The following SLC8B1 variants were observed in gnomAD, a reference collection of about 807,000 sequenced individuals.
SLC8B1 encodes mitochondrial sodium/calcium exchanger protein.
In SLC8B1, 52 loss-of-function variants were observed where a neutral mutation model predicts 63.4. The ratio of observed to expected loss-of-function variants is 0.82; its 90% CI spans 0.66 to 1.03. The LOEUF is 1.03. Ranked by LOEUF, SLC8B1 falls within the 50% of genes least tolerant of loss-of-function variation. The pLI is 0.00. For synonymous variants in SLC8B1, 336 were observed against 323.9 expected, an observed-to-expected ratio of 1.04 and a Z score of -0.40; for missense variants, 657 against 741.7, an observed-to-expected ratio of 0.89 and a Z score of 1.33.
intron 11 of SLC8B1, among the ~76,000 whole-genome samples, chr12:113,311,389 G>A (rs962221491): frequency 3.3e-5 from 5 of 152,238 alleles, no homozygotes; most frequent in African/African-American, 7.2e-5. Context: ...GGTGGAGGTT[G>A]CAGTGAGCTG....
intron 9 of SLC8B1, 78 bp from the exon 10 acceptor site, chr12:113,316,734 C>T: frequency 6.3e-7 from 1 of 1,578,692 alleles, no homozygotes; most frequent in Non-Finnish European, 8.6e-7. Flanking sequence ...TCCATCCCAC[C>T]AGTCCTCCCA....
chr12:113,327,646 C>A (rs7975177), intron 2 of SLC8B1, among the ~76,000 whole-genome samples: 18,214 of 150,138 alleles, frequency 0.12, 1,257 homozygotes, highest in African/African-American at 0.2. Context: ...CACACCATTG[C>A]ACTCTAGGCT....
intron 2 of SLC8B1, among the ~76,000 whole-genome samples, chr12:113,328,739 CA>C (rs1250241807): frequency 2.7e-5 from 4 of 150,654 alleles, no homozygotes; most frequent in Admixed American, 2.6e-4. Flanking sequence ...CTGGCCCTCC[CA>C]GTTACTTTTT....
chr12:113,323,101 T>C (rs1956953797), intron 2 of SLC8B1, among the ~76,000 whole-genome samples: 2 of 152,054 alleles, frequency 1.3e-5, no homozygotes, highest in African/African-American at 4.8e-5. Context: ...TCATCAGCCA[T>C]TGGGTGAGGA....
In SLC8B1 at chr12:113,305,273, A is replaced by G. The variant is rs1956655785; in HGVS notation, c.1493-888T>C. Among the ~76,000 whole-genome samples the G allele has an allele frequency of 6.6e-6, 1 of 152,224 alleles. No individual in the cohort carries two copies. On this transcript the variant is annotated intron_variant, in intron 14 of 15. Coordinates refer to ENST00000680972, the MANE Select transcript of SLC8B1 (RefSeq NM_001358345.2). The surrounding 1 kb of genome is among the most constrained non-coding windows in gnomAD (Gnocchi z 4.3). ...GCCAGGAGTAGGCCTCAGTGGGCGC[A>G]AAAGGGCCACCAAGGGCCTTGCTCA...
chr12:113,313,125 C>T (rs758452855), intron 11 of SLC8B1, among the ~76,000 whole-genome samples: 6 of 152,004 alleles, frequency 3.9e-5, no homozygotes, highest in Non-Finnish European at 7.4e-5. Flanking sequence ...AGGCTGATCT[C>T]GAACTCCTGA....
Position 113,307,110 on chromosome 12 carries a change from C to CAAA in SLC8B1, c.1412-538_1412-536dup, listed in dbSNP as rs67032040. 5.5e-3 allele frequency among the ~76,000 whole-genome samples: 100 copies of CAAA among 18,208 alleles called. 35 individuals are homozygous for CAAA. The highest frequency in any genetic ancestry group is 0.033 in the East Asian group (12 of 364). The allele number at this position is 18,208 out of a possible 152,430, so 11.9% of individuals were successfully genotyped here. A position where few individuals can be genotyped will look rare whatever the true frequency, so the allele number is the denominator to read the frequency against. Reference sequence around the variant, plus strand: ...TGGGCGACAGAGCAAGCCTCCATCTCAAAAAAAAAAAAAAAAAAAAAAAAA... The same window carrying CAAA: ...TGGGCGACAGAGCAAGCCTCCATCTCAAAAAAAAAAAAAAAAAAAAAAAAAAAA... On this transcript the variant is annotated intron_variant, in intron 13 of 15. Coordinates refer to ENST00000680972, the MANE Select transcript of SLC8B1 (RefSeq NM_001358345.2).
rs149678699 is a variant in SLC8B1 at position 113,316,955 on chromosome 12, G to A, written c.849C>T (p.Asn283=). 43 of 1,613,546 alleles carry A rather than the reference G, an allele frequency of 2.7e-5. No homozygotes were observed. The highest frequency in any genetic ancestry group is 1.5e-4 in the Admixed American group (9 of 59,930). ...GCACGGACTCACCGTAGTCATAGCTGTTGGTATTAGAAGATACCCGGTCCT... is the reference window on the plus strand; with the variant it reads ...GCACGGACTCACCGTAGTCATAGCTATTGGTATTAGAAGATACCCGGTCCT... The part of the protein sequence containing the change: ...SEEDRVSSNT[N]SYDYGDEYRP... Residue 283 remains asparagine, a synonymous_variant, in exon 9 of 16, where the codon AAC becomes AAT. Transcript: ENST00000680972.
Position 113,315,337 on chromosome 12 carries a change from G to C in SLC8B1, c.1133C>G (p.Thr378Ser). 6.5e-7 allele frequency: 1 copy of C among 1,536,784 alleles called. No individual in the cohort carries two copies. Among genetic ancestry groups the C allele is most frequent in the South Asian group, 1.2e-5 (1 of 82,004 alleles). ...LVVVLTLQSG[T>S]YGVYEIGGLV... The stretch of plus-strand genomic sequence containing the variant: ...GGCCCGGGGTAGGGGATACTCACAG[G>C]TCCCCGACTGCAGGGTCAGGACCAC... The change falls in exon 11 of 16, where the codon ACC becomes AGC. Residue 378 changes from threonine to serine, a missense_variant and splice_region_variant. Thr to Ser is a moderately conservative substitution (Grantham distance 58). Coordinates refer to ENST00000680972, the MANE Select transcript of SLC8B1 (RefSeq NM_001358345.2).
intron 1 of SLC8B1, among the ~76,000 whole-genome samples, chr12:113,334,073 A>G (rs1278231163): frequency 1.3e-5 from 2 of 152,188 alleles, no homozygotes; most frequent in African/African-American, 4.8e-5. Flanking sequence ...AGCCCCTCCG[A>G]CAGGGAACTT....
At chr12:113,332,687 C>T (rs371893520) in intron 2 of SLC8B1, 36 bp downstream of exon 2, 1 of 1,596,200 alleles carries the variant, frequency 6.3e-7, no homozygotes, top group African/African-American at 1.3e-5. Context: ...AGGAACACAG[C>T]CCCACTCAAC....
chr12:113,319,646 C>A (rs1184426974), intron 7 of SLC8B1, among the ~76,000 whole-genome samples: 1 of 152,172 alleles, frequency 6.6e-6, no homozygotes, highest in African/African-American at 2.4e-5. Context: ...ATCTCGGTTT[C>A]CCTTGCTGGT....
intron 2 of SLC8B1, among the ~76,000 whole-genome samples, chr12:113,325,828 G>C (rs1157964374): frequency 6.6e-6 from 1 of 152,204 alleles, no homozygotes; most frequent in Non-Finnish European, 1.5e-5. Flanking sequence ...CTCCCAAAGT[G>C]CTGGGATTAC....
chr12:113,329,791 T>A (rs924163641), intron 2 of SLC8B1, among the ~76,000 whole-genome samples: 2 of 152,130 alleles, frequency 1.3e-5, no homozygotes, highest in Non-Finnish European at 2.9e-5. Context: ...TATAAAAACT[T>A]ACATCAGATC....
At position 113,321,339 on chromosome 12, in the gene SLC8B1, C is replaced by A. The variant is rs546565755; in HGVS notation, c.166G>T (p.Val56Leu). Residue 56 changes from valine to leucine, a missense_variant, in exon 3 of 16, where the codon GTG (valine) becomes TTG (leucine). By Grantham distance (32) the Val-to-Leu change is conservative. Transcript: ENST00000680972. ...CGGTCAGAGACATTCAGGCCACACACCTTGCGGCACTGCAGGAAGACAGGG... is the reference window on the plus strand; with the variant it reads ...CGGTCAGAGACATTCAGGCCACACAACTTGCGGCACTGCAGGAAGACAGGG... ...NQTPVVDCRKVCGLNVSDRCD... is the reference protein window; with the variant it reads ...NQTPVVDCRKLCGLNVSDRCD... 5.6e-5 allele frequency: 91 copies of A among 1,614,168 alleles called. No homozygotes were observed. The South Asian group carries it at 9.6e-4, about 17-fold the overall frequency.
At chr12:113,300,372 A>G (rs1480962236) in intron 15 of SLC8B1, among the ~76,000 whole-genome samples, 1 of 152,128 alleles carries the variant, frequency 6.6e-6, no homozygotes, top group Non-Finnish European at 1.5e-5. Flanking sequence ...GCAGTGTGCT[A>G]CTGGGGAGGC....
chr12:113,305,396 G>A lies in SLC8B1; in HGVS notation c.1493-1011C>T, dbSNP rs939864561. Among the ~76,000 whole-genome samples the A allele has an allele frequency of 6.6e-6, 1 of 152,234 alleles. No homozygotes were observed. The highest frequency in any genetic ancestry group is 1.9e-4 in the East Asian group (1 of 5,204). On this transcript the variant is annotated intron_variant, in intron 14 of 15. Transcript: ENST00000680972. This position sits in a 1 kb window ranked among gnomAD's most constrained non-coding sequence, Gnocchi z 4.3. Reference sequence around the variant, plus strand: ...CAGCCCCTGGTGAGGCTCTGTCATCGTGGAGCCTGGAGAGAGCGGCCCTTC... The same window carrying A: ...CAGCCCCTGGTGAGGCTCTGTCATCATGGAGCCTGGAGAGAGCGGCCCTTC...
In SLC8B1 at chr12:113,320,360, C is replaced by G. The variant is rs200728763; in HGVS notation, c.665G>C (p.Arg222Pro). 2 of 1,614,122 alleles carry G rather than the reference C, an allele frequency of 1.2e-6. No homozygotes were observed. The highest frequency in any genetic ancestry group is 1.1e-5 in the South Asian group (1 of 91,086). ...AVFLTFLMLF[R>P]GRVTLAWALG... ...AGCCCATGCCAGGGTGACCCTGCCA[C>G]GGAAGAGCATGAGGAAGGTCAGGAA... Residue 222 changes from arginine to proline, a missense_variant, in exon 7 of 16, where the codon CGT becomes CCT. Coordinates refer to ENST00000680972, the MANE Select transcript of SLC8B1 (RefSeq NM_001358345.2). This position sits in a 1 kb window ranked among gnomAD's most constrained non-coding sequence, Gnocchi z 5.3.
intron 15 of SLC8B1, among the ~76,000 whole-genome samples, chr12:113,303,383 GC>G (rs1295930185): frequency 6.6e-6 from 1 of 152,172 alleles, no homozygotes; most frequent in Non-Finnish European, 1.5e-5. Context: ...AACAGGCTCT[GC>G]CGAGAGCCTA....
Sources: gnomAD v4.1 joint callset for allele counts (sites outside exome capture counted in the v4.1 genomes callset) on GRCh38, gnomAD v4.1.1 for gene constraint, Gnocchi (gnomAD v3.1) non-coding constraint, MANE v1.5 for transcripts, NCBI Gene and HGNC (gene_info 2026-07-23, HGNC 2026-07-21) for gene names.